SDK1: variants seen among roughly 807,000 people sequenced by gnomAD.
The protein encoded by SDK1 is protein sidekick-1.
SDK1 carries 157 observed loss-of-function variants against 245.5 expected under a neutral mutation model. That is an observed-to-expected ratio of 0.64 (90% CI 0.56 to 0.73). The LOEUF is 0.73. SDK1 is among the 30% of genes least tolerant of loss of function. The pLI is 0.00. For missense variants in SDK1, 3,583 were observed against 3,002.3 expected (o/e 1.19, Z -4.52); for synonymous variants, 1,647 against 1,278.5 (o/e 1.29, Z -6.15).
At chr7:4,009,427 A>G (rs1785760369) in intron 14 of SDK1, among the ~76,000 whole-genome samples, 1 of 152,226 alleles carries the variant, frequency 6.6e-6, no homozygotes, top group South Asian at 2.1e-4. Context: ...GAGCTGCATG[A>G]TACAAGTGGA....
At chr7:3,648,008 G>A (rs1185461446) in intron 4 of SDK1, among the ~76,000 whole-genome samples, 1 of 152,118 alleles carries the variant, frequency 6.6e-6, no homozygotes, top group Non-Finnish European at 1.5e-5. Context: ...GTAATTACAG[G>A]TTTTATCTGA....
chr7:3,510,714 T>G (rs956214058), intron 1 of SDK1, among the ~76,000 whole-genome samples: 1 of 152,134 alleles, frequency 6.6e-6, no homozygotes, highest in Non-Finnish European at 1.5e-5. Flanking sequence ...ATAGCAGTTC[T>G]CAGAGAGAAC....
chr7:3,741,879 T>C (rs1047837325), intron 4 of SDK1, among the ~76,000 whole-genome samples: 11 of 152,064 alleles, frequency 7.2e-5, no homozygotes, highest in African/African-American at 2.7e-4. Context: ...TGGATGCTCA[T>C]ATATGTGCAC....
At chr7:3,974,290 G>C (rs1782722493) in intron 12 of SDK1, 79 bp from the exon 13 acceptor site, 1 of 1,260,108 alleles carries the variant, frequency 7.9e-7, no homozygotes, top group Admixed American at 2.1e-5. Context: ...TTAGTTGCTT[G>C]CTTTTTAAGA....
intron 13 of SDK1, among the ~76,000 whole-genome samples, chr7:3,978,823 C>T (rs1387477726): frequency 6.6e-6 from 1 of 152,168 alleles, no homozygotes; most frequent in East Asian, 1.9e-4. Flanking sequence ...CAATGTCCTT[C>T]AGAGGAGCCT....
chr7:3,974,898 C>A (rs1782792319), intron 13 of SDK1: 1 of 183,794 alleles, frequency 5.4e-6, no homozygotes, highest in African/African-American at 2.4e-5. Context: ...CCTTGAGAGC[C>A]TCCAGTCCAT....
chr7:3,583,062 A>G (rs938970778), intron 1 of SDK1, among the ~76,000 whole-genome samples: 3 of 152,130 alleles, frequency 2.0e-5, no homozygotes, highest in African/African-American at 7.2e-5. Context: ...AGGGGTAGGG[A>G]TGGGAGTAAA....
intron 19 of SDK1, among the ~76,000 whole-genome samples, chr7:4,060,144 G>T (rs971983440): frequency 6.6e-6 from 1 of 152,148 alleles, no homozygotes; most frequent in South Asian, 2.1e-4. Flanking sequence ...GCCTTCCAAA[G>T]TGCTGGGATT....
rs57519297 is a variant in SDK1 at position 3,545,886 on chromosome 7, T to G, written c.299-73194T>G. 8.6e-3 allele frequency among the ~76,000 whole-genome samples: 1,309 copies of G among 152,368 alleles called. 23 individuals carry two copies. The highest frequency in any genetic ancestry group is 0.03 in the African/African-American group (1,230 of 41,582). ...AATATAATTTCTGTTCTGTATATTCTAGTTTCCTTCTTTTGAGTTGCTGTC... is the reference window on the plus strand; with the variant it reads ...AATATAATTTCTGTTCTGTATATTCGAGTTTCCTTCTTTTGAGTTGCTGTC... On this transcript the variant is annotated intron_variant, in intron 1 of 44. Coordinates refer to ENST00000404826, the MANE Select transcript of SDK1 (RefSeq NM_152744.4).
intron 1 of SDK1, among the ~76,000 whole-genome samples, chr7:3,549,162 C>G (rs1269497824): frequency 2.0e-5 from 3 of 152,230 alleles, no homozygotes; most frequent in African/African-American, 4.8e-5. Context: ...TCTTTGTTAT[C>G]TTTCATGCAA....
chr7:3,929,272 C>A (rs1301355161), intron 5 of SDK1, among the ~76,000 whole-genome samples: 1 of 152,222 alleles, frequency 6.6e-6, no homozygotes, highest in Non-Finnish European at 1.5e-5. Flanking sequence ...TGCTCTTGAT[C>A]TACAGATTCC....
At chr7:3,937,171 G>T (rs1326451928) in intron 5 of SDK1, among the ~76,000 whole-genome samples, 1 of 151,892 alleles carries the variant, frequency 6.6e-6, no homozygotes, top group African/African-American at 2.4e-5. Flanking sequence ...GCCATGCGGA[G>T]GTCTACCCAG....
At chr7:3,807,290 A>G (rs1264869366) in intron 4 of SDK1, among the ~76,000 whole-genome samples, 1 of 152,168 alleles carries the variant, frequency 6.6e-6, no homozygotes, top group African/African-American at 2.4e-5. Flanking sequence ...AGGCCTGCCT[A>G]GGAGGGTTCT....
At chr7:3,549,059 G>A (rs1779319778) in intron 1 of SDK1, among the ~76,000 whole-genome samples, 1 of 152,172 alleles carries the variant, frequency 6.6e-6, no homozygotes, top group Non-Finnish European at 1.5e-5. Context: ...GGAAGAACCT[G>A]CTCTTACATG....
intron 1 of SDK1, among the ~76,000 whole-genome samples, chr7:3,352,807 TG>T (rs1780695414): frequency 6.6e-6 from 1 of 151,892 alleles, no homozygotes; most frequent in South Asian, 2.1e-4. Flanking sequence ...CTGAGGAGCA[TG>T]AAAAAATTGA....
At chr7:3,755,963 C>T (rs778684565) in intron 4 of SDK1, among the ~76,000 whole-genome samples, 1 of 152,130 alleles carries the variant, frequency 6.6e-6, no homozygotes, top group African/African-American at 2.4e-5. Flanking sequence ...ACTCCTTTCA[C>T]ATGGCATAGC....
chr7:3,917,655 A>G (rs1779431692), intron 5 of SDK1, among the ~76,000 whole-genome samples: 1 of 152,168 alleles, frequency 6.6e-6, no homozygotes, highest in African/African-American at 2.4e-5. Context: ...GGGTTAGAGG[A>G]ACGTCTATGG....
Position 4,236,153 on chromosome 7 carries a change from G to A in SDK1, c.5993-1494G>A, listed in dbSNP as rs570295436. ...TCGTGAGATATAGGATAGAAGCTTCGGGTGGCTGTGTTTGGAAGGGTTCTG... is the reference window on the plus strand; with the variant it reads ...TCGTGAGATATAGGATAGAAGCTTCAGGTGGCTGTGTTTGGAAGGGTTCTG... On this transcript the variant is annotated intron_variant, in intron 41 of 44. Transcript: ENST00000404826. Among the ~76,000 whole-genome samples, 8 of 152,278 alleles carry A rather than the reference G, an allele frequency of 5.3e-5. No homozygotes were observed. The East Asian group carries it at 5.8e-4, about 11-fold the overall frequency.
chr7:3,666,705 A>G (rs918613481), intron 4 of SDK1, among the ~76,000 whole-genome samples: 1 of 152,184 alleles, frequency 6.6e-6, no homozygotes, highest in African/African-American at 2.4e-5. Flanking sequence ...TTTATGCCTA[A>G]TATTAATTTT....
Sources: allele counts gnomAD v4.1 joint callset (sites outside exome capture counted in the v4.1 genomes callset), GRCh38; gene constraint gnomAD v4.1.1; transcripts MANE v1.5; gene names NCBI Gene and HGNC (gene_info 2026-07-23, HGNC 2026-07-21).